The following SYNPR variants were observed in gnomAD, a reference collection of about 807,000 sequenced individuals.
SYNPR encodes synaptoporin.
SYNPR carries 23 observed loss-of-function variants against 32.9 expected under a neutral mutation model. That is an observed-to-expected ratio of 0.70 (90% CI 0.50 to 0.99). SYNPR has a LOEUF of 0.99. Ranked by LOEUF, SYNPR falls within the 50% of genes least tolerant of loss-of-function variation. SYNPR has a pLI of 0.00. For missense variants in SYNPR, 318 were observed against 349.3 expected (o/e 0.91, Z 0.71); for synonymous variants, 146 against 135.9 (o/e 1.07, Z -0.52).
Position 63,493,213 on chromosome 3 carries a change from G to T in SYNPR, c.209+12257G>T, listed in dbSNP as rs139852573. Among the ~76,000 whole-genome samples, 158 of 152,162 alleles carry T rather than the reference G, an allele frequency of 1.0e-3. 1 individual carries two copies. The highest frequency in any genetic ancestry group is 3.3e-3 in the African/African-American group (136 of 41,554). ...ACCCCAGCCCATCCCCAATAGAATG[G>T]CATTTTGTGAGCCATGAGAGGACTT... is the stretch of plus-strand genomic sequence containing the variant. On this transcript the variant is annotated intron_variant, in intron 3 of 5. Coordinates refer to ENST00000478300, the MANE Select transcript of SYNPR (RefSeq NM_001130003.2).
At chr3:63,204,714 C>T in the SYNPR span, among the ~76,000 whole-genome samples, 1 of 151,758 alleles carries the variant, frequency 6.6e-6, no homozygotes, top group South Asian at 2.1e-4. Context: ...GAGACAGTCT[C>T]GCTCTGTCAC....
intron 1 of SYNPR, among the ~76,000 whole-genome samples, chr3:63,240,919 A>G (rs1489222072): frequency 6.6e-6 from 1 of 152,066 alleles, no homozygotes; most frequent in Non-Finnish European, 1.5e-5. Context: ...TATTCTCCCC[A>G]TTGACCACAC....
chr3:63,284,283 G>A (rs934231296), intron 2 of SYNPR, among the ~76,000 whole-genome samples: 2 of 152,108 alleles, frequency 1.3e-5, no homozygotes, highest in African/African-American at 2.4e-5. Context: ...ACACATCCAT[G>A]TTGTTCAGAA....
intron 2 of SYNPR, among the ~76,000 whole-genome samples, chr3:63,433,642 C>T (rs1438996840): frequency 6.6e-6 from 1 of 152,150 alleles, no homozygotes; most frequent in African/African-American, 2.4e-5. Context: ...TTCGTGGTGG[C>T]TTCACCACTG....
intron 2 of SYNPR, among the ~76,000 whole-genome samples, chr3:63,335,049 T>A (rs2087271073): frequency 6.6e-6 from 1 of 151,986 alleles, no homozygotes; most frequent in Admixed American, 6.6e-5. Flanking sequence ...GTAATTGCGG[T>A]TTTTGCCATT....
chr3:63,261,579 G>A (rs1298362360), intron 2 of SYNPR, among the ~76,000 whole-genome samples: 2 of 95,408 alleles, frequency 2.1e-5, no homozygotes, highest in Non-Finnish European at 3.9e-5. Context: ...GGTGGGGGGA[G>A]GGGGGAGGGA....
chr3:63,556,739 A>G lies in SYNPR; in HGVS notation c.406A>G (p.Ile136Val). 6.2e-7 allele frequency: 1 copy of G among 1,605,140 alleles called. No individual in the cohort carries two copies. The highest frequency in any genetic ancestry group is 1.7e-5 in the Admixed American group (1 of 57,748). ...KYRENNRGPL[I>V]DFIVTVVFSF... is the part of the protein sequence containing the mutation. The stretch of plus-strand genomic sequence containing the variant: ...CCGGGAAAACAACCGGGGCCCACTC[A>G]TTGTAAGTGGTTTTCTTTTTCAAAT... The change falls in exon 4 of 6, where the codon ATT becomes GTT. Residue 136 changes from isoleucine (I) to valine (V), a missense_variant and splice_region_variant. Coordinates refer to ENST00000478300, the MANE Select transcript of SYNPR (RefSeq NM_001130003.2).
At chr3:63,356,216 C>T (rs1367536062) in intron 2 of SYNPR, among the ~76,000 whole-genome samples, 1 of 152,170 alleles carries the variant, frequency 6.6e-6, no homozygotes. Context: ...CTGTACTTTC[C>T]AGCAGTTAGT....
At chr3:63,294,969 A>C (rs1445991738) in intron 2 of SYNPR, among the ~76,000 whole-genome samples, 2 of 152,136 alleles carry the variant, frequency 1.3e-5, no homozygotes, top group Non-Finnish European at 2.9e-5. Flanking sequence ...AATTCTTTTG[A>C]TAGAAAGGCA....
chr3:63,246,748 G>C (rs1327858650), intron 1 of SYNPR, among the ~76,000 whole-genome samples: 1 of 152,000 alleles, frequency 6.6e-6, no homozygotes, highest in Non-Finnish European at 1.5e-5. Flanking sequence ...TTGAAATGCT[G>C]TACGGGGCCT....
At chr3:63,580,312 C>G (rs980008122) in intron 4 of SYNPR, among the ~76,000 whole-genome samples, 1 of 152,112 alleles carries the variant, frequency 6.6e-6, no homozygotes, top group Non-Finnish European at 1.5e-5. Flanking sequence ...GAATTAAGTG[C>G]CCTGGGGCAA....
At chr3:63,510,511 CAAGGACATCTCAGTAGAAAAGA>C (rs1424666751) in intron 3 of SYNPR, among the ~76,000 whole-genome samples, 1 of 152,086 alleles carries the variant, frequency 6.6e-6, no homozygotes, top group Non-Finnish European at 1.5e-5. Flanking sequence ...GTTGTGGGAA[CAAGGACATCTCAGTAGAAAAGA>C]GAGGGTTCCT....
chr3:63,346,583 T>A (rs1198365402), intron 2 of SYNPR, among the ~76,000 whole-genome samples: 1 of 152,146 alleles, frequency 6.6e-6, no homozygotes, highest in Non-Finnish European at 1.5e-5. Context: ...GCGATTCTTC[T>A]GCCGCAGCCT....
At chr3:63,507,405 G>C (rs546799273) in intron 3 of SYNPR, among the ~76,000 whole-genome samples, 1 of 152,242 alleles carries the variant, frequency 6.6e-6, no homozygotes, top group Admixed American at 6.5e-5. Flanking sequence ...ATCATATTGA[G>C]AGATATTCTG....
chr3:63,579,107 T>G (rs1054494800), intron 4 of SYNPR, among the ~76,000 whole-genome samples: 1 of 152,158 alleles, frequency 6.6e-6, no homozygotes, highest in Non-Finnish European at 1.5e-5. Flanking sequence ...GTTTTCTCCT[T>G]CCCTCAAATC....
At chr3:63,367,587 C>T (rs2087742774) in intron 2 of SYNPR, among the ~76,000 whole-genome samples, 1 of 152,068 alleles carries the variant, frequency 6.6e-6, no homozygotes, top group Non-Finnish European at 1.5e-5. Flanking sequence ...AACTTCTGAG[C>T]TCAGGTGATC....
chr3:63,522,432 T>A (rs1575690317), intron 3 of SYNPR, among the ~76,000 whole-genome samples: 2 of 152,232 alleles, frequency 1.3e-5, no homozygotes, highest in African/African-American at 4.8e-5. Context: ...TATTTAGGCA[T>A]CTCACCAAAC....
At chr3:63,260,303 C>T (rs1318139225) in intron 2 of SYNPR, among the ~76,000 whole-genome samples, 1 of 152,150 alleles carries the variant, frequency 6.6e-6, no homozygotes, top group Non-Finnish European at 1.5e-5. Flanking sequence ...AGGCATCACG[C>T]TACCTGACAT....
chr3:63,254,428 A>G (rs1188822809), intron 2 of SYNPR, among the ~76,000 whole-genome samples: 1 of 152,250 alleles, frequency 6.6e-6, no homozygotes, highest in East Asian at 1.9e-4. Context: ...TGCAACCAAC[A>G]TTAAAAAATT....
Sources: gnomAD v4.1 joint callset for allele counts (sites outside exome capture counted in the v4.1 genomes callset) on GRCh38, gnomAD v4.1.1 for gene constraint, MANE v1.5 for transcripts, NCBI Gene and HGNC (gene_info 2026-07-23, HGNC 2026-07-21) for gene names.